The following SLC24A2 variants were observed in gnomAD, a reference collection of about 807,000 sequenced individuals.
SLC24A2 encodes the protein solute carrier family 24 member 2.
In SLC24A2, 36 loss-of-function variants were observed where a neutral mutation model predicts 62.0. The ratio of observed to expected loss-of-function variants is 0.58; its 90% CI spans 0.44 to 0.77. The LOEUF is 0.77. Among genes scored for constraint, SLC24A2 ranks in the 30% least tolerant of loss-of-function variants. The pLI is 0.00. For missense variants in SLC24A2, 846 were observed against 817.9 expected (o/e 1.03, Z -0.42); for synonymous variants, 358 against 294.0 (o/e 1.22, Z -2.23).
At chr9:19,922,633 G>A in the SLC24A2 span, among the ~76,000 whole-genome samples, 1 of 152,158 alleles carries the variant, frequency 6.6e-6, no homozygotes. Flanking sequence ...AGGAGGGATT[G>A]GCGAGCATCC....
the SLC24A2 span, chr9:19,927,925 G>C: frequency 6.6e-6 from 1 of 152,326 alleles, no homozygotes. Flanking sequence ...CTCACAAAAA[G>C]CCTGCCACTT....
intron 2 of SLC24A2, among the ~76,000 whole-genome samples, chr9:19,731,398 A>G (rs547547525): frequency 6.6e-6 from 1 of 152,282 alleles, no homozygotes; most frequent in South Asian, 2.1e-4. Flanking sequence ...GTATTTGAAG[A>G]TAGTATAAAG....
the SLC24A2 span, among the ~76,000 whole-genome samples, chr9:19,866,916 G>C: frequency 3.9e-5 from 6 of 152,178 alleles, no homozygotes; most frequent in Admixed American, 2.0e-4. Flanking sequence ...AGGCTGGGAA[G>C]GGTACTGGGG....
the SLC24A2 span, among the ~76,000 whole-genome samples, chr9:19,901,133 T>C: frequency 0.011 from 1,733 of 152,286 alleles, 35 homozygotes; most frequent in African/African-American, 0.04. Flanking sequence ...ATGTGCCAGA[T>C]GTGAACTGGT....
chr9:19,938,197 C>T, the SLC24A2 span, among the ~76,000 whole-genome samples: 1 of 151,972 alleles, frequency 6.6e-6, no homozygotes, highest in African/African-American at 2.4e-5. Flanking sequence ...TCTGTATAAC[C>T]CATCATTTTG....
At chr9:19,704,050 C>A (rs1177666608) in intron 2 of SLC24A2, among the ~76,000 whole-genome samples, 1 of 152,136 alleles carries the variant, frequency 6.6e-6, no homozygotes, top group Middle Eastern at 3.2e-3. Flanking sequence ...TCAACTGCAT[C>A]AATACTGGGG....
At chr9:19,809,600 C>A in the SLC24A2 span, among the ~76,000 whole-genome samples, 1 of 152,032 alleles carries the variant, frequency 6.6e-6, no homozygotes, top group Non-Finnish European at 1.5e-5. Flanking sequence ...TTCAAGATGG[C>A]GGCTCTGTCT....
intron 5 of SLC24A2, among the ~76,000 whole-genome samples, chr9:19,590,968 G>A (rs1048215240): frequency 6.6e-6 from 1 of 152,018 alleles, no homozygotes; most frequent in Non-Finnish European, 1.5e-5. Flanking sequence ...CCTTTAACGT[G>A]TTCTTCACTC....
At chr9:20,277,045 G>A in the SLC24A2 span, among the ~76,000 whole-genome samples, 1 of 152,170 alleles carries the variant, frequency 6.6e-6, no homozygotes, top group South Asian at 2.1e-4. Flanking sequence ...TTGTCTTGGC[G>A]ATTAACATGT....
chr9:20,152,630 A>G, the SLC24A2 span, among the ~76,000 whole-genome samples: 1 of 151,910 alleles, frequency 6.6e-6, no homozygotes, highest in Admixed American at 6.6e-5. Context: ...CCAAACAATC[A>G]GTCTGGGAGT....
the SLC24A2 span, among the ~76,000 whole-genome samples, chr9:20,249,175 T>C: frequency 1.2e-4 from 19 of 152,326 alleles, no homozygotes; most frequent in East Asian, 2.9e-3. Context: ...TGATAAAGTA[T>C]ATAACTAACC....
At chr9:19,701,520 A>C (rs1820355873) in intron 2 of SLC24A2, among the ~76,000 whole-genome samples, 1 of 152,210 alleles carries the variant, frequency 6.6e-6, no homozygotes, top group South Asian at 2.1e-4. Context: ...AAAAATTACC[A>C]AAAACTAAAG....
intron 8 of SLC24A2, among the ~76,000 whole-genome samples, chr9:19,546,149 T>G (rs115487066): frequency 8.5e-5 from 13 of 152,322 alleles, no homozygotes; most frequent in Admixed American, 2.0e-4. Flanking sequence ...TGGCCCCTAC[T>G]GGGAGCTGTC....
the SLC24A2 span, among the ~76,000 whole-genome samples, chr9:19,990,004 G>A: frequency 2.0e-5 from 3 of 152,172 alleles, no homozygotes; most frequent in Non-Finnish European, 4.4e-5. Context: ...AAAAGGCTGT[G>A]AAATGATGAG....
the SLC24A2 span, among the ~76,000 whole-genome samples, chr9:19,850,679 T>A: frequency 2.6e-5 from 4 of 151,974 alleles, no homozygotes; most frequent in African/African-American, 9.7e-5. Flanking sequence ...TAAATTTGCA[T>A]GATCTGGATA....
At chr9:19,545,298 G>A (rs771642252) in intron 8 of SLC24A2, among the ~76,000 whole-genome samples, 40 of 151,770 alleles carry the variant, frequency 2.6e-4, no homozygotes, top group African/African-American at 8.2e-4. Flanking sequence ...TGTTCTTCTC[G>A]AAACTGGTTA....
chr9:20,148,555 GTTAAT>G, the SLC24A2 span, among the ~76,000 whole-genome samples: 1 of 152,084 alleles, frequency 6.6e-6, no homozygotes, highest in East Asian at 1.9e-4. Context: ...TTAGAAAGGA[GTTAAT>G]TTAAGTGCGC....
the SLC24A2 span, among the ~76,000 whole-genome samples, chr9:20,007,660 T>A: frequency 6.6e-6 from 1 of 152,092 alleles, no homozygotes; most frequent in Non-Finnish European, 1.5e-5. Context: ...TAATCACTCT[T>A]CTCAACAGTT....
chr9:19,699,479 C>T (rs1820293142), intron 2 of SLC24A2, among the ~76,000 whole-genome samples: 1 of 152,088 alleles, frequency 6.6e-6, no homozygotes, highest in Non-Finnish European at 1.5e-5. Context: ...TAATGTTTCA[C>T]TAAATTACGG....
Sources: allele counts gnomAD v4.1 joint callset (sites outside exome capture counted in the v4.1 genomes callset), GRCh38; gene constraint gnomAD v4.1.1; transcripts MANE v1.5; gene names NCBI Gene and HGNC (gene_info 2026-07-23, HGNC 2026-07-21).